NEXN: variants seen among roughly 807,000 people sequenced by gnomAD.
The protein encoded by NEXN is nexilin F-actin binding protein.
In NEXN, 65 loss-of-function variants were observed where a neutral mutation model predicts 92.6. The ratio of observed to expected loss-of-function variants is 0.70; its 90% CI spans 0.57 to 0.86. The LOEUF (loss-of-function observed/expected upper bound fraction) is 0.86. Ranked by LOEUF, NEXN falls within the 40% of genes least tolerant of loss-of-function variation. The pLI is 0.00. For synonymous variants in NEXN, 254 were observed against 242.5 expected (o/e 1.05, Z -0.44); for missense variants, 778 against 771.1 (o/e 1.01, Z -0.11).
intron 1 of NEXN, among the ~76,000 whole-genome samples, chr1:77,906,947 C>T (rs569177758): frequency 1.3e-5 from 2 of 152,118 alleles, no homozygotes; most frequent in South Asian, 2.1e-4. Context: ...AACACCTGGC[C>T]GGGAAATGAT....
In NEXN at chr1:77,909,249, T is replaced by C. The variant is rs191086008; in HGVS notation, c.-52-6806T>C. ...CAGCCTAATCAACATGGTGAAACCCTGTCTCTACTAAAAATACAAAATTAG... is the reference window on the plus strand; with the variant it reads ...CAGCCTAATCAACATGGTGAAACCCCGTCTCTACTAAAAATACAAAATTAG... On this transcript the variant is annotated intron_variant, in intron 1 of 12. Coordinates refer to ENST00000334785, the MANE Select transcript of NEXN (RefSeq NM_144573.4). Among the ~76,000 whole-genome samples, 946 of 152,164 alleles carry C rather than the reference T, an allele frequency of 6.2e-3. 10 individuals carry two copies. The highest frequency in any genetic ancestry group is 0.021 in the African/African-American group (890 of 41,514).
chr1:77,929,203 A>G (rs1018490280), intron 8 of NEXN, 113 bp from the exon 9 acceptor site: 12 of 709,536 alleles, frequency 1.7e-5, no homozygotes, highest in Non-Finnish European at 3.0e-5. Context: ...CAAGTATATT[A>G]AGGGCATTGA....
At chr1:77,918,318 T>G in intron 5 of NEXN, 45 bp downstream of exon 5, 1 of 1,594,674 alleles carries the variant, frequency 6.3e-7, no homozygotes, top group South Asian at 1.1e-5. Context: ...AAACTAACTG[T>G]GCAAAGTAAA....
At chr1:77,942,299 G>A in intron 12 of NEXN, 91 bp downstream of exon 12, 3 of 1,459,960 alleles carry the variant, frequency 2.1e-6, no homozygotes, top group Non-Finnish European at 2.9e-6. Context: ...TGTTTTAATG[G>A]TTTTCTTTCA....
At chr1:77,923,829 C>T (rs181022337) in intron 5 of NEXN, among the ~76,000 whole-genome samples, 1 of 151,986 alleles carries the variant, frequency 6.6e-6, no homozygotes, top group East Asian at 2.0e-4. Context: ...AGGCGTGTGC[C>T]ACCACACCCA....
chr1:77,890,258 G>A (rs1647074931), intron 1 of NEXN, among the ~76,000 whole-genome samples: 1 of 152,122 alleles, frequency 6.6e-6, no homozygotes, highest in Non-Finnish European at 1.5e-5. Context: ...ATGCAATTAT[G>A]TAGTTTATCT....
chr1:77,937,935 C>G (rs781241749), intron 11 of NEXN, among the ~76,000 whole-genome samples: 1 of 152,018 alleles, frequency 6.6e-6, no homozygotes, highest in Non-Finnish European at 1.5e-5. Context: ...TTTTGTACAG[C>G]GTGGTCAGAG....
chr1:77,915,495 G>A (rs1648898803), intron 1 of NEXN, among the ~76,000 whole-genome samples: 1 of 152,134 alleles, frequency 6.6e-6, no homozygotes, highest in South Asian at 2.1e-4. Flanking sequence ...CGGACGTGGC[G>A]GCACACGCCT....
chr1:77,925,696 C>G (rs913770410), intron 6 of NEXN, among the ~76,000 whole-genome samples: 1 of 152,022 alleles, frequency 6.6e-6, no homozygotes, highest in Non-Finnish European at 1.5e-5. Context: ...TTTAGTCATC[C>G]CTTTTATCTA....
chr1:77,928,523 T>C (rs1650044236), intron 8 of NEXN, among the ~76,000 whole-genome samples: 1 of 151,994 alleles, frequency 6.6e-6, no homozygotes, highest in Non-Finnish European at 1.5e-5. Flanking sequence ...AAAGAAATAG[T>C]ATTGTTAAAT....
At position 77,894,114 on chromosome 1, in the gene NEXN, G is replaced by A. The variant is rs533342526; in HGVS notation, c.-53+5355G>A. Among the ~76,000 whole-genome samples the A allele has an allele frequency of 3.3e-5, 5 of 151,842 alleles. No homozygotes were observed. In the South Asian group the frequency reaches 8.3e-4, roughly 25 times the overall value. Reference sequence around the variant, plus strand: ...GCTAGGGTTACAAGCATGCGCCACCGCACCTGGCCTTTTTGTATTTTTAGT... The same window carrying A: ...GCTAGGGTTACAAGCATGCGCCACCACACCTGGCCTTTTTGTATTTTTAGT... On this transcript the variant is annotated intron_variant, in intron 1 of 12. Coordinates refer to ENST00000334785, the MANE Select transcript of NEXN (RefSeq NM_144573.4).
chr1:77,909,420 CAATAAATA>C (rs934721060), intron 1 of NEXN, among the ~76,000 whole-genome samples: 1 of 151,730 alleles, frequency 6.6e-6, no homozygotes, highest in Non-Finnish European at 1.5e-5. Flanking sequence ...AACTTCATCT[CAATAAATA>C]AATAAATAAA....
At chr1:77,912,627 A>G (rs1374230072) in intron 1 of NEXN, among the ~76,000 whole-genome samples, 1 of 152,206 alleles carries the variant, frequency 6.6e-6, no homozygotes, top group Non-Finnish European at 1.5e-5. Context: ...CCGAATAGAG[A>G]GCCCAGAAAT....
chr1:77,923,580 C>T (rs964545541), intron 5 of NEXN, among the ~76,000 whole-genome samples: 3 of 152,050 alleles, frequency 2.0e-5, no homozygotes, highest in African/African-American at 7.2e-5. Flanking sequence ...TTTAAACCAC[C>T]TATCTTCTCT....
rs1032715130 is a variant in NEXN, at chr1:77,904,515, A to G, written c.-52-11540A>G. 2.0e-5 allele frequency among the ~76,000 whole-genome samples: 3 copies of G among 152,342 alleles called. No homozygotes were observed. In the East Asian group the frequency reaches 5.8e-4, roughly 29 times the overall value. ...GAACAGAGGATCTTTCAAACTTGCT[A>G]GTTTTTGCGTGAATATTGAAAAGCT... On this transcript the variant is annotated intron_variant, in intron 1 of 12. Coordinates refer to ENST00000334785, the MANE Select transcript of NEXN (RefSeq NM_144573.4).
chr1:77,895,433 G>A (rs936794484), intron 1 of NEXN, among the ~76,000 whole-genome samples: 3 of 152,210 alleles, frequency 2.0e-5, no homozygotes, highest in Admixed American at 2.0e-4. Flanking sequence ...TATGTTTCCT[G>A]TACAAGTGAA....
At chr1:77,894,274 G>A (rs184631240) in intron 1 of NEXN, among the ~76,000 whole-genome samples, 10 of 152,134 alleles carry the variant, frequency 6.6e-5, no homozygotes, top group East Asian at 3.9e-4. Context: ...CTTGGTTTTC[G>A]GTGAGGAATT....
At chr1:77,905,604 A>G (rs1046637710) in intron 1 of NEXN, among the ~76,000 whole-genome samples, 2 of 152,146 alleles carry the variant, frequency 1.3e-5, no homozygotes, top group Admixed American at 6.6e-5. Context: ...AGGAGGTGCT[A>G]TGGATATAAT....
intron 11 of NEXN, among the ~76,000 whole-genome samples, chr1:77,940,474 T>TA (rs1245757637): frequency 6.6e-6 from 1 of 152,228 alleles, no homozygotes; most frequent in East Asian, 1.9e-4. Context: ...GAACTGTGCA[T>TA]AAATTTTCAG....
Sources: gnomAD v4.1 joint callset for allele counts (sites outside exome capture counted in the v4.1 genomes callset) on GRCh38, gnomAD v4.1.1 for gene constraint, MANE v1.5 for transcripts, NCBI Gene and HGNC (gene_info 2026-07-23, HGNC 2026-07-21) for gene names.